Variants in ANO2 observed in about 807,000 individuals in gnomAD.
ANO2 encodes the protein anoctamin-2.
In ANO2, 101 loss-of-function variants were observed where a neutral mutation model predicts 124.2. That is an observed-to-expected ratio of 0.81 (90% confidence interval 0.69 to 0.96). The LOEUF is 0.96. Ranked by LOEUF, ANO2 falls within the 40% of genes least tolerant of loss-of-function variation. The probability of loss-of-function intolerance (pLI) is 0.00; values close to 1 mark genes in which losing one functional copy is unlikely to be tolerated. For missense variants in ANO2, 1,293 were observed against 1,274.5 expected, an observed-to-expected ratio of 1.01 and a Z score of -0.22; for synonymous variants, 486 against 482.5, an observed-to-expected ratio of 1.01 and a Z score of -0.09.
intron 10 of ANO2, among the ~76,000 whole-genome samples, chr12:5,757,079 T>C (rs969666614): frequency 6.6e-6 from 1 of 152,212 alleles, no homozygotes; most frequent in Non-Finnish European, 1.5e-5. Flanking sequence ...CAGTGAAGTT[T>C]TTCTAGGTCT....
At chr12:5,688,865 T>C (rs1412923445) in intron 14 of ANO2, among the ~76,000 whole-genome samples, 1 of 149,314 alleles carries the variant, frequency 6.7e-6, no homozygotes, top group Non-Finnish European at 1.5e-5. Flanking sequence ...GAAGACTCTA[T>C]GTCTCCTACC....
At position 5,862,713 on chromosome 12, in the gene ANO2, G is replaced by A. The variant is rs113813327; in HGVS notation, c.535-8572C>T. 2.2e-4 allele frequency among the ~76,000 whole-genome samples: 34 copies of A among 152,220 alleles called. No homozygotes were observed. In the South Asian group the frequency reaches 5.2e-3, roughly 23 times the overall value. ...TGGGAGGTAACTGAATCATGGGGGC[G>A]GTTTCCCCCATACTGTTCTCGTGGT... On this transcript the variant is annotated intron_variant, in intron 3 of 24. Coordinates refer to ENST00000682330, the MANE Select transcript of ANO2 (RefSeq NM_001364791.2). The surrounding 1 kb of genome is among the most constrained non-coding windows in gnomAD (Gnocchi z 4.0).
intron 16 of ANO2, among the ~76,000 whole-genome samples, chr12:5,622,963 CAAAA>C (rs60889578): frequency 1.9e-5 from 2 of 106,658 alleles, no homozygotes; most frequent in Admixed American, 1.1e-4. Flanking sequence ...GGCTCTGTCT[CAAAA>C]AAAAAAAAAA....
chr12:5,854,119 A>C lies in ANO2; in HGVS notation c.557T>G (p.Phe186Cys). The C allele has an allele frequency of 1.2e-6, 2 of 1,612,780 alleles. No homozygotes were observed. The highest frequency in any genetic ancestry group is 1.7e-6 in the Non-Finnish European group (2 of 1,179,066). ...DLENKSQGSI[F>C]VRIHAPWQVL... ...CTGCCACGGGGCGTGTATCCGGACA[A>C]AGATGGATCCCTGGCTTTTATTCTG... Residue 186 changes from phenylalanine to cysteine, a missense_variant, in exon 4 of 25, where the codon TTT (phenylalanine) becomes TGT (cysteine). By Grantham distance (205) the Phe-to-Cys change is radical (BLOSUM62 -2). Transcript: ENST00000682330.
chr12:5,676,695 T>G (rs1294907413), intron 14 of ANO2, among the ~76,000 whole-genome samples: 1 of 152,090 alleles, frequency 6.6e-6, no homozygotes, highest in Admixed American at 6.6e-5. Flanking sequence ...TTTTTGAAAG[T>G]AGAATACTAA....
intron 8 of ANO2, 121 bp from the exon 9 acceptor site, chr12:5,806,214 G>A (rs774493564): frequency 2.4e-5 from 25 of 1,045,568 alleles, no homozygotes; most frequent in Non-Finnish European, 3.3e-5. Context: ...CCCATTTAAG[G>A]AAGGTCAAAA....
In ANO2 at chr12:5,670,356, T is replaced by C. The variant is rs565026924; in HGVS notation, c.1546-22555A>G. On this transcript the variant is annotated intron_variant, in intron 14 of 24. Transcript: ENST00000682330. ...ACTTCCATGCCACTGTTCCATGCCATGAAGTCCTCATATTCTGGCATTAAG... is the reference window on the plus strand; with the variant it reads ...ACTTCCATGCCACTGTTCCATGCCACGAAGTCCTCATATTCTGGCATTAAG... Among the ~76,000 whole-genome samples, 355 of 152,326 alleles carry C rather than the reference T, an allele frequency of 2.3e-3. 4 individuals are homozygous for C. Among genetic ancestry groups the C allele is most frequent in the Non-Finnish European group, 4.2e-3 (289 of 68,022 alleles).
chr12:5,727,262 C>T (rs1327217840), intron 14 of ANO2, among the ~76,000 whole-genome samples: 1 of 152,064 alleles, frequency 6.6e-6, no homozygotes, highest in Non-Finnish European at 1.5e-5. Context: ...CCCTATAACT[C>T]ACTCCTTTTT....
intron 3 of ANO2, among the ~76,000 whole-genome samples, chr12:5,883,168 C>T (rs1323079639): frequency 6.6e-6 from 1 of 152,080 alleles, no homozygotes; most frequent in African/African-American, 2.4e-5. Flanking sequence ...CCGGGCTTCC[C>T]GTCACTCCCC....
intron 12 of ANO2, among the ~76,000 whole-genome samples, chr12:5,743,472 CGTGTGTGTGT>C (rs112084814): frequency 2.9e-4 from 43 of 149,568 alleles, no homozygotes; most frequent in Non-Finnish European, 4.8e-4. Flanking sequence ...TGAGAATAGG[CGTGTGTGTGT>C]GTGTGTGTGT....
chr12:5,706,770 T>C (rs983778318), intron 14 of ANO2, among the ~76,000 whole-genome samples: 1 of 152,224 alleles, frequency 6.6e-6, no homozygotes, highest in African/African-American at 2.4e-5. Context: ...ACCTGGTATA[T>C]AGTAAATACT....
At chr12:5,863,981 T>C (rs1955350579) in intron 3 of ANO2, among the ~76,000 whole-genome samples, 1 of 152,100 alleles carries the variant, frequency 6.6e-6, no homozygotes. Flanking sequence ...AACTATGAAG[T>C]GTCTACAAAA....
chr12:5,697,485 T>C (rs1375705300), intron 14 of ANO2, among the ~76,000 whole-genome samples: 1 of 152,072 alleles, frequency 6.6e-6, no homozygotes, highest in Admixed American at 6.6e-5. Context: ...GGTTCCAAGA[T>C]GGCTGAATAG....
chr12:5,753,995 T>G (rs1951509803), intron 10 of ANO2, among the ~76,000 whole-genome samples: 1 of 152,242 alleles, frequency 6.6e-6, no homozygotes, highest in South Asian at 2.1e-4. Flanking sequence ...CTATTGAATA[T>G]GATGTTAGCC....
chr12:5,783,616 G>A (rs1952463332), intron 10 of ANO2, among the ~76,000 whole-genome samples: 1 of 152,186 alleles, frequency 6.6e-6, no homozygotes, highest in South Asian at 2.1e-4. Context: ...CCAGGTAACA[G>A]GTAATGTTAA....
chr12:5,649,221 C>A (rs1183215313), intron 14 of ANO2, among the ~76,000 whole-genome samples: 1 of 152,144 alleles, frequency 6.6e-6, no homozygotes, highest in Non-Finnish European at 1.5e-5. Context: ...CAGTGCATGC[C>A]TGGAACTGAG....
chr12:5,697,537 A>G (rs1949233410), intron 14 of ANO2, among the ~76,000 whole-genome samples: 1 of 152,262 alleles, frequency 6.6e-6, no homozygotes, highest in Non-Finnish European at 1.5e-5. Context: ...GCGATGCAGA[A>G]GACGGATGAT....
At chr12:5,739,873 T>A (rs1274364440) in intron 12 of ANO2, 1 of 456,298 alleles carries the variant, frequency 2.2e-6, no homozygotes, top group East Asian at 6.9e-5. Context: ...ATCATCTCAT[T>A]CTGAGGTTAC....
chr12:5,680,793 T>C (rs1475787707), intron 14 of ANO2, among the ~76,000 whole-genome samples: 1 of 152,066 alleles, frequency 6.6e-6, no homozygotes, highest in Non-Finnish European at 1.5e-5. Context: ...CAGGGAACAA[T>C]AAGAATCAGA....
Sources: gnomAD v4.1 joint callset for allele counts (sites outside exome capture counted in the v4.1 genomes callset) on GRCh38, gnomAD v4.1.1 for gene constraint, Gnocchi (gnomAD v3.1) non-coding constraint, MANE v1.5 for transcripts, NCBI Gene and HGNC (gene_info 2026-07-23, HGNC 2026-07-21) for gene names.